Variants in MR1 observed in about 807,000 individuals in gnomAD.
The protein encoded by MR1 is major histocompatibility complex, class I-related.
A neutral mutation model predicts 37.8 loss-of-function variants in MR1; 44 were observed. That is an observed-to-expected ratio of 1.16 (90% confidence interval 0.91 to 1.50). MR1 has a LOEUF of 1.50. Ranked by LOEUF, MR1 falls within the 40% of genes most tolerant of loss-of-function variation. The pLI is 0.00. For missense variants in MR1, 386 were observed against 419.1 expected (o/e 0.92, Z 0.69); for synonymous variants, 153 against 155.8 (o/e 0.98, Z 0.13).
Position 181,060,835 on chromosome 1 carries a change from G to T in MR1, c.*5570G>T, listed in dbSNP as rs1200001523. 6.6e-6 allele frequency: 1 copy of T among 152,392 alleles called. No homozygotes were observed. The highest frequency in any genetic ancestry group is 1.5e-5 in the Non-Finnish European group (1 of 68,080). The allele number at this position is 152,392 out of a possible 1,614,324, so 9.4% of individuals were successfully genotyped here. A position where few individuals can be genotyped will look rare whatever the true frequency, so the allele number is the denominator to read the frequency against. ...GGCTGGTTCTCAGTAAGAAGGTCAA[G>T]TTCAACCAGAGGGGAGATGCTGATG... On this transcript the variant is annotated 3_prime_UTR_variant, in exon 6 of 6. Transcript: ENST00000367580.
chr1:181,049,286 G>A lies in MR1; in HGVS notation c.302G>A (p.Arg101His), dbSNP rs145064363. Reference sequence around the variant, plus strand: ...CAGATGTTCAAGGTGGAACTGAAGCGCCTACAGAGGCACTACAATCACTCA... The same window carrying A: ...CAGATGTTCAAGGTGGAACTGAAGCACCTACAGAGGCACTACAATCACTCA... ...WQQMFKVELK[R>H]LQRHYNHSGS... Residue 101 changes from arginine (R) to histidine (H), a missense_variant, in exon 2 of 6, where the codon CGC (arginine) becomes CAC (histidine). Arg to His is a conservative substitution (Grantham distance 29). Coordinates refer to ENST00000367580, the MANE Select transcript of MR1 (RefSeq NM_001385161.1). 2.0e-4 allele frequency: 319 copies of A among 1,613,840 alleles called. 1 individual carries two copies. In the East Asian group the frequency reaches 3.0e-3, roughly 15 times the overall value.
intron 1 of MR1, among the ~76,000 whole-genome samples, chr1:181,048,227 A>G (rs1338261588): frequency 6.9e-6 from 1 of 143,988 alleles, no homozygotes; most frequent in African/African-American, 2.6e-5. Flanking sequence ...AAAAAAATAA[A>G]TAAAATAAAA....
intron 1 of MR1, among the ~76,000 whole-genome samples, chr1:181,036,217 C>T (rs962548348): frequency 6.6e-6 from 1 of 152,078 alleles, no homozygotes; most frequent in Non-Finnish European, 1.5e-5. Flanking sequence ...GCTTCAGTAA[C>T]GGTATTTGCT....
intron 1 of MR1, among the ~76,000 whole-genome samples, chr1:181,039,339 C>A (rs896371221): frequency 1.3e-5 from 2 of 152,204 alleles, no homozygotes; most frequent in Admixed American, 6.5e-5. Context: ...CCAGTGGATC[C>A]CTTCTCATGG....
At chr1:181,038,811 C>CT (rs1298673209) in intron 1 of MR1, among the ~76,000 whole-genome samples, 3 of 150,780 alleles carry the variant, frequency 2.0e-5, no homozygotes, top group Middle Eastern at 3.5e-3. Context: ...ATTTTCTTTT[C>CT]TTTTTTTTTG....
rs778320951 is a variant in MR1, at chr1:181,052,477, T to C, written c.847T>C (p.Cys283Arg). Reference sequence around the variant, plus strand: ...CCTTTACTCCTGTCATGTGGAGCACTGCGGTGTCCACATGGTTCTTCAGGT... The same window carrying C: ...CCTTTACTCCTGTCATGTGGAGCACCGCGGTGTCCACATGGTTCTTCAGGT... ...SNLYSCHVEH[C>R]GVHMVLQVPQ... The change falls in exon 4 of 6, where the codon TGC becomes CGC. Residue 283 changes from cysteine to arginine, a missense_variant. Cys to Arg is a radical substitution (Grantham distance 180). Transcript: ENST00000367580. 2 of 1,614,028 alleles carry C rather than the reference T, an allele frequency of 1.2e-6. No individual in the cohort carries two copies. Among genetic ancestry groups the C allele is most frequent in the South Asian group, 2.2e-5 (2 of 91,084 alleles).
At chr1:181,052,973 G>A (rs987458523) in intron 4 of MR1, among the ~76,000 whole-genome samples, 5 of 152,064 alleles carry the variant, frequency 3.3e-5, no homozygotes, top group African/African-American at 1.2e-4. Context: ...GCTGAGGCAG[G>A]AGAATCGCTT....
At chr1:181,047,111 G>A (rs573794324) in intron 1 of MR1, among the ~76,000 whole-genome samples, 1 of 152,088 alleles carries the variant, frequency 6.6e-6, no homozygotes, top group East Asian at 1.9e-4. Context: ...CTTTGTCTCC[G>A]TCAGGCCCTA....
chr1:181,052,736 T>C (rs1290259774), intron 4 of MR1, among the ~76,000 whole-genome samples: 1 of 152,182 alleles, frequency 6.6e-6, no homozygotes, highest in Non-Finnish European at 1.5e-5. Flanking sequence ...GTGGGTTATA[T>C]CTATTGCTAT....
intron 2 of MR1, 140 bp downstream of exon 2, chr1:181,049,452 C>G: frequency 9.9e-7 from 1 of 1,012,364 alleles, no homozygotes. Flanking sequence ...TGGTGGAGTT[C>G]AGGGCCTCCC....
Position 181,057,260 on chromosome 1 carries a change from T to C in MR1, c.*1995T>C, listed in dbSNP as rs1658671643. On this transcript the variant is annotated 3_prime_UTR_variant, in exon 6 of 6. Coordinates refer to ENST00000367580, the MANE Select transcript of MR1 (RefSeq NM_001385161.1). ...TCTCTCTTTTCCGGTGCCTGTTGAGTTGCATAGAAGCACAGTTGTGTTTAT... is the reference window on the plus strand; with the variant it reads ...TCTCTCTTTTCCGGTGCCTGTTGAGCTGCATAGAAGCACAGTTGTGTTTAT... 1 of 152,234 alleles carries C rather than the reference T, an allele frequency of 6.6e-6. No individual in the cohort carries two copies. The highest frequency in any genetic ancestry group is 2.1e-4 in the South Asian group (1 of 4,830). The allele number at this position is 152,234 out of a possible 1,614,324, so 9.4% of individuals were successfully genotyped here. A position where few individuals can be genotyped will look rare whatever the true frequency, so the allele number is the denominator to read the frequency against.
At chr1:181,039,252 T>A (rs1247935803) in intron 1 of MR1, among the ~76,000 whole-genome samples, 1 of 152,234 alleles carries the variant, frequency 6.6e-6, no homozygotes, top group African/African-American at 2.4e-5. Flanking sequence ...ACAGTTGTGA[T>A]GACTATGATT....
chr1:181,041,422 T>G (rs1184630588), intron 1 of MR1, among the ~76,000 whole-genome samples: 3 of 152,346 alleles, frequency 2.0e-5, no homozygotes, highest in Middle Eastern at 3.4e-3. Context: ...CAGGGGATGT[T>G]CTACACCAAC....
chr1:181,056,100 T>G lies in MR1; in HGVS notation c.*835T>G, dbSNP rs1658600658. 6.6e-6 allele frequency: 1 copy of G among 152,312 alleles called. No individual in the cohort carries two copies. The highest frequency in any genetic ancestry group is 1.5e-5 in the Non-Finnish European group (1 of 68,144). The allele number at this position is 152,312 out of a possible 1,614,324, so 9.4% of individuals were successfully genotyped here. On this transcript the variant is annotated 3_prime_UTR_variant, in exon 6 of 6. Coordinates refer to ENST00000367580, the MANE Select transcript of MR1 (RefSeq NM_001385161.1). ...TAACAGTATGGCCAGGTGCAGTGGCTCACGCCTGTAATCCCATCACTTTGA... is the reference window on the plus strand; with the variant it reads ...TAACAGTATGGCCAGGTGCAGTGGCGCACGCCTGTAATCCCATCACTTTGA...
Position 181,057,970 on chromosome 1 carries a change from A to G in MR1, c.*2705A>G, listed in dbSNP as rs1658705992. ...GGTTGTGGTGAGCCGAGATCGCGCC[A>G]TCGCACTCTAGCCTGGGCAACAAGA... On this transcript the variant is annotated 3_prime_UTR_variant, in exon 6 of 6. Coordinates refer to ENST00000367580, the MANE Select transcript of MR1 (RefSeq NM_001385161.1). 6.6e-6 allele frequency: 1 copy of G among 152,308 alleles called. No individual in the cohort carries two copies. Among genetic ancestry groups the G allele is most frequent in the Non-Finnish European group, 1.5e-5 (1 of 68,076 alleles). The allele number at this position is 152,308 out of a possible 1,614,324, so 9.4% of individuals were successfully genotyped here.
Position 181,058,466 on chromosome 1 carries a change from G to A in MR1, c.*3201G>A, listed in dbSNP as rs1029073393. On this transcript the variant is annotated 3_prime_UTR_variant, in exon 6 of 6. Coordinates refer to ENST00000367580, the MANE Select transcript of MR1 (RefSeq NM_001385161.1). ...GAGAGAAAGCAGTTTAAAGAGCAGG[G>A]TGAAAAATCCAACAAGACTCCATCG... is the stretch of plus-strand genomic sequence containing the variant. The A allele has an allele frequency of 1.3e-5, 2 of 152,266 alleles. No homozygotes were observed. Among genetic ancestry groups the A allele is most frequent in the East Asian group, 1.9e-4 (1 of 5,188 alleles). The allele number at this position is 152,266 out of a possible 1,614,324, so 9.4% of individuals were successfully genotyped here.
intron 1 of MR1, among the ~76,000 whole-genome samples, chr1:181,040,289 C>G (rs115661368): frequency 6.6e-6 from 1 of 152,134 alleles, no homozygotes; most frequent in Non-Finnish European, 1.5e-5. Flanking sequence ...AAGATTAGAT[C>G]AAATGATATG....
In MR1 at chr1:181,061,071, G is replaced by GC. The variant is rs2102417507; in HGVS notation, c.*5807dup. The GC allele has an allele frequency of 6.6e-6, 1 of 152,456 alleles. No individual in the cohort carries two copies. Among genetic ancestry groups the GC allele is most frequent in the African/African-American group, 2.4e-5 (1 of 41,586 alleles). 9.4% of individuals were successfully genotyped at this position (152,456 alleles called of 1,614,324 possible). ...CTCCTGCTTCCCCATGGCTGGCATGGCTGAGGAAAAAGGACACTGAGCACA... is the reference window on the plus strand; with the variant it reads ...CTCCTGCTTCCCCATGGCTGGCATGGCCTGAGGAAAAAGGACACTGAGCACA... On this transcript the variant is annotated 3_prime_UTR_variant, in exon 6 of 6. Transcript: ENST00000367580.
Position 181,049,322 on chromosome 1 carries a change from C to T in MR1, c.328+10C>T, listed in dbSNP as rs911234998. On this transcript the variant is annotated intron_variant, in intron 2 of 5. Coordinates refer to ENST00000367580, the MANE Select transcript of MR1 (RefSeq NM_001385161.1). ...CACTACAATCACTCAGGTGTGCATG[C>T]GGCAGAGACAGACGCTTCCCCCATC... The T allele has an allele frequency of 8.1e-6, 13 of 1,608,974 alleles. No homozygotes were observed. The highest frequency in any genetic ancestry group is 2.2e-5 in the East Asian group (1 of 44,666).
Sources: allele counts gnomAD v4.1 joint callset (sites outside exome capture counted in the v4.1 genomes callset), GRCh38; gene constraint gnomAD v4.1.1; transcripts MANE v1.5; gene names NCBI Gene and HGNC (gene_info 2026-07-23, HGNC 2026-07-21).